ZMAT4: variants seen among roughly 807,000 people sequenced by gnomAD.
ZMAT4 encodes the protein zinc finger matrin-type 4, also known as zinc finger matrin-type protein 4.
A neutral mutation model predicts 28.7 loss-of-function variants in ZMAT4; 17 were observed. That is an observed-to-expected ratio of 0.59 (90% confidence interval 0.41 to 0.89). The LOEUF (loss-of-function observed/expected upper bound fraction) is 0.89, where lower values mean the gene tolerates loss of function less well. Among genes scored for constraint, ZMAT4 ranks in the 40% least tolerant of loss-of-function variants. The pLI is 0.00. For missense variants in ZMAT4, 240 were observed against 283.8 expected (o/e 0.85, Z 1.11); for synonymous variants, 117 against 109.2 (o/e 1.07, Z -0.44).
intron 5 of ZMAT4, among the ~76,000 whole-genome samples, chr8:40,613,318 G>T (rs1382662165): frequency 6.6e-6 from 1 of 150,994 alleles, no homozygotes; most frequent in Non-Finnish European, 1.5e-5. Context: ...GAGTAGCTGG[G>T]ATTACAGGTG....
At chr8:40,874,044 G>A (rs952383866) in intron 1 of ZMAT4, among the ~76,000 whole-genome samples, 8 of 152,174 alleles carry the variant, frequency 5.3e-5, no homozygotes, top group Non-Finnish European at 8.8e-5. Flanking sequence ...TCCTATCAGA[G>A]GTCCTTTCCG....
At chr8:40,754,470 T>A (rs1812589756) in intron 3 of ZMAT4, among the ~76,000 whole-genome samples, 2 of 152,310 alleles carry the variant, frequency 1.3e-5, no homozygotes, top group South Asian at 4.2e-4. Flanking sequence ...AGAGAATTGG[T>A]CTCAGGCCGA....
chr8:40,763,573 C>T (rs912204743), intron 3 of ZMAT4, among the ~76,000 whole-genome samples: 9 of 152,008 alleles, frequency 5.9e-5, no homozygotes, highest in African/African-American at 2.2e-4. Context: ...GTTACAAGGC[C>T]AAAAAATAAG....
chr8:40,890,821 G>A (rs75595178), intron 1 of ZMAT4, among the ~76,000 whole-genome samples: 19,303 of 151,744 alleles, frequency 0.13, 1,351 homozygotes, highest in Middle Eastern at 0.21. Context: ...CCAATCATGC[G>A]CTGGATGGAG....
At chr8:40,748,137 C>T (rs1812314505) in intron 3 of ZMAT4, among the ~76,000 whole-genome samples, 1 of 152,124 alleles carries the variant, frequency 6.6e-6, no homozygotes, top group Admixed American at 6.5e-5. Flanking sequence ...AGGAAAATGC[C>T]TTTTTCCATC....
chr8:40,532,779 C>T (rs1343430926), intron 6 of ZMAT4, among the ~76,000 whole-genome samples: 2 of 152,068 alleles, frequency 1.3e-5, no homozygotes, highest in Admixed American at 6.6e-5. Context: ...GGGCAGATCA[C>T]GAGGTCAGGA....
chr8:40,636,254 C>T (rs1183298850), intron 5 of ZMAT4, among the ~76,000 whole-genome samples: 1 of 152,208 alleles, frequency 6.6e-6, no homozygotes, highest in African/African-American at 2.4e-5. Context: ...TCTTGAGAAA[C>T]TGGCTTGCAC....
At chr8:40,830,821 T>C (rs1179357230) in intron 1 of ZMAT4, among the ~76,000 whole-genome samples, 1 of 152,020 alleles carries the variant, frequency 6.6e-6, no homozygotes, top group Non-Finnish European at 1.5e-5. Flanking sequence ...CCAGGTGTGG[T>C]TGCTTGCCAA....
chr8:40,764,694 C>A (rs781174406), intron 3 of ZMAT4, among the ~76,000 whole-genome samples: 15 of 152,094 alleles, frequency 9.9e-5, no homozygotes, highest in Middle Eastern at 3.2e-3. Flanking sequence ...GTTATTATAT[C>A]CTTCTGAGAA....
intron 3 of ZMAT4, among the ~76,000 whole-genome samples, chr8:40,699,094 C>T (rs1035802288): frequency 1.3e-5 from 2 of 152,094 alleles, no homozygotes; most frequent in African/African-American, 4.8e-5. Context: ...GCAGGGTTGG[C>T]TTCCTGGCTC....
intron 1 of ZMAT4, among the ~76,000 whole-genome samples, chr8:40,834,460 T>G (rs1449496845): frequency 6.6e-6 from 1 of 152,148 alleles, no homozygotes; most frequent in Non-Finnish European, 1.5e-5. Context: ...TTCTATGTGA[T>G]TCACCAAATG....
At chr8:40,734,856 G>A (rs890392157) in intron 3 of ZMAT4, among the ~76,000 whole-genome samples, 1 of 152,100 alleles carries the variant, frequency 6.6e-6, no homozygotes, top group Non-Finnish European at 1.5e-5. Context: ...AATCTCTAAA[G>A]ACATTAATAC....
At chr8:40,868,420 A>G (rs1189992367) in intron 1 of ZMAT4, among the ~76,000 whole-genome samples, 1 of 152,044 alleles carries the variant, frequency 6.6e-6, no homozygotes. Context: ...ACAGGGGAGG[A>G]AGTAAACCTG....
At chr8:40,742,773 AC>A (rs1563451344) in intron 3 of ZMAT4, among the ~76,000 whole-genome samples, 317 of 152,152 alleles carry the variant, frequency 2.1e-3, no homozygotes, top group East Asian at 9.3e-3. Flanking sequence ...ACACACACAC[AC>A]ACACACACAC....
chr8:40,593,031 A>G (rs1050878291), intron 5 of ZMAT4, among the ~76,000 whole-genome samples: 5 of 152,236 alleles, frequency 3.3e-5, no homozygotes, highest in East Asian at 3.8e-4. Flanking sequence ...CATATTAAAT[A>G]ACAATACATG....
intron 4 of ZMAT4, among the ~76,000 whole-genome samples, chr8:40,696,166 T>C (rs892167977): frequency 2.0e-5 from 3 of 152,184 alleles, no homozygotes; most frequent in Non-Finnish European, 4.4e-5. Context: ...CCTCATCCTA[T>C]GCCTGAATGT....
chr8:40,791,654 C>G (rs1228212963), intron 2 of ZMAT4, among the ~76,000 whole-genome samples: 1 of 152,206 alleles, frequency 6.6e-6, no homozygotes, highest in Non-Finnish European at 1.5e-5. Context: ...GAATTGCTCA[C>G]TGCTAGATCT....
chr8:40,796,386 AC>A (rs1453794924), intron 2 of ZMAT4, among the ~76,000 whole-genome samples: 6 of 152,220 alleles, frequency 3.9e-5, no homozygotes, highest in Admixed American at 6.5e-5. Context: ...AAACAAAAAA[AC>A]ATTGATATTT....
At chr8:40,729,648 G>T (rs1238295432) in intron 3 of ZMAT4, among the ~76,000 whole-genome samples, 3 of 149,054 alleles carry the variant, frequency 2.0e-5, no homozygotes, top group Non-Finnish European at 4.4e-5. Context: ...AGGCTGGAGT[G>T]CAGTGGCACA....
Sources: gnomAD v4.1 joint callset for allele counts (sites outside exome capture counted in the v4.1 genomes callset) on GRCh38, gnomAD v4.1.1 for gene constraint, MANE v1.5 for transcripts, NCBI Gene and HGNC (gene_info 2026-07-23, HGNC 2026-07-21) for gene names.